The following BABAM2 variants were observed in gnomAD, a reference collection of about 807,000 sequenced individuals.
BABAM2 encodes BRISC and BRCA1-A complex member 2.
BABAM2 carries 31 observed loss-of-function variants against 54.7 expected under a neutral mutation model. The ratio of observed to expected loss-of-function variants is 0.57; its 90% CI spans 0.43 to 0.77. BABAM2 has a LOEUF of 0.77. BABAM2 is among the 30% of genes least tolerant of loss of function. The pLI is 0.00. For synonymous variants in BABAM2, 167 were observed against 162.9 expected (o/e 1.03, Z -0.19); for missense variants, 364 against 455.8 (o/e 0.80, Z 1.83).
chr2:28,155,644 A>T (rs1165596327), intron 7 of BABAM2, among the ~76,000 whole-genome samples: 2 of 152,170 alleles, frequency 1.3e-5, no homozygotes, highest in Non-Finnish European at 1.5e-5. Context: ...ATTTATTGGG[A>T]ATCTAAAAAC....
intron 8 of BABAM2, among the ~76,000 whole-genome samples, chr2:28,239,054 G>T (rs1260918176): frequency 6.6e-6 from 1 of 152,076 alleles, no homozygotes; most frequent in Non-Finnish European, 1.5e-5. Context: ...TTTGTTGTGG[G>T]TTTCTGTTAA....
At chr2:28,026,780 A>AT (rs1675708641) in intron 5 of BABAM2, among the ~76,000 whole-genome samples, 3 of 90,864 alleles carry the variant, frequency 3.3e-5, no homozygotes, top group Non-Finnish European at 6.4e-5. Context: ...TATATAAAAA[A>AT]ATATAAATAT....
intron 10 of BABAM2, among the ~76,000 whole-genome samples, chr2:28,272,430 A>T (rs1052750964): frequency 6.6e-6 from 1 of 152,230 alleles, no homozygotes; most frequent in Admixed American, 6.5e-5. Flanking sequence ...ACATAACAAA[A>T]GGGACAGCCT....
At chr2:28,300,337 CCTT>C (rs1558512012) in intron 11 of BABAM2, among the ~76,000 whole-genome samples, 2 of 152,146 alleles carry the variant, frequency 1.3e-5, no homozygotes, top group African/African-American at 4.8e-5. Flanking sequence ...CTTTAATGTG[CCTT>C]CTTCTTTCCC....
At chr2:28,121,957 G>A (rs1329407361) in intron 6 of BABAM2, among the ~76,000 whole-genome samples, 1 of 152,176 alleles carries the variant, frequency 6.6e-6, no homozygotes, top group Non-Finnish European at 1.5e-5. Flanking sequence ...ACTCACGCCT[G>A]TAATCCCAGC....
chr2:27,922,245 T>C (rs1667392883), intron 2 of BABAM2, among the ~76,000 whole-genome samples: 1 of 152,202 alleles, frequency 6.6e-6, no homozygotes, highest in African/African-American at 2.4e-5. Context: ...CTTAGCACTG[T>C]GCTAGGTGCT....
In BABAM2 at chr2:28,155,663, G is replaced by A. The variant is rs141808673; in HGVS notation, c.680+26283G>A. On this transcript the variant is annotated intron_variant, in intron 7 of 11. Transcript: ENST00000379624. ...ATTGGGAATCTAAAAACAAATATTT[G>A]TGTGCTGAGGGCCAGGTGCTGGAGA... 1.0e-3 allele frequency among the ~76,000 whole-genome samples: 152 copies of A among 152,312 alleles called. 1 individual carries two copies. Among genetic ancestry groups the A allele is most frequent in the Non-Finnish European group, 1.8e-3 (125 of 68,028 alleles).
At chr2:28,271,369 A>G (rs1162518298) in intron 10 of BABAM2, among the ~76,000 whole-genome samples, 1 of 152,230 alleles carries the variant, frequency 6.6e-6, no homozygotes, top group Non-Finnish European at 1.5e-5. Context: ...TGTTCCTTCA[A>G]GGATTCCCCA....
At chr2:27,975,843 G>A (rs1671562564) in intron 3 of BABAM2, among the ~76,000 whole-genome samples, 1 of 151,926 alleles carries the variant, frequency 6.6e-6, no homozygotes, top group Non-Finnish European at 1.5e-5. Flanking sequence ...GCTTTCAAAA[G>A]TCAACATTAA....
intron 7 of BABAM2, among the ~76,000 whole-genome samples, chr2:28,143,913 A>C (rs1401736816): frequency 6.6e-6 from 1 of 152,170 alleles, no homozygotes; most frequent in Admixed American, 6.5e-5. Flanking sequence ...CTCTACCCTC[A>C]ACAGCCTCTT....
rs1054646714 is a variant in BABAM2, at chr2:28,304,397, A to G, written c.1088+5906A>G. Among the ~76,000 whole-genome samples the G allele has an allele frequency of 1.3e-5, 2 of 149,622 alleles. No individual in the cohort carries two copies. The highest frequency in any genetic ancestry group is 4.9e-5 in the African/African-American group (2 of 41,082). Reference sequence around the variant, plus strand: ...GTAAATTATATAAAAATATAAATATAAAATATTTATAAATATATAAAAATA... The same window carrying G: ...GTAAATTATATAAAAATATAAATATGAAATATTTATAAATATATAAAAATA... On this transcript the variant is annotated intron_variant, in intron 11 of 11. Coordinates refer to ENST00000379624, the MANE Select transcript of BABAM2 (RefSeq NM_199191.3). The surrounding 1 kb of genome is among the most constrained non-coding windows in gnomAD (Gnocchi z 4.0).
rs148537971 is a variant in BABAM2 at position 28,300,935 on chromosome 2, T to TA, written c.1088+2446dup. 7.1e-3 allele frequency among the ~76,000 whole-genome samples: 1,083 copies of TA among 152,286 alleles called. 9 individuals are homozygous for TA. Among genetic ancestry groups the TA allele is most frequent in the African/African-American group, 0.025 (1,026 of 41,546 alleles). ...CTCGTGCTAGCAAGAAGAAATAGTTTAAGTTTCCATTCTTCAGCTGAACTG... is the reference window on the plus strand; with the variant it reads ...CTCGTGCTAGCAAGAAGAAATAGTTTAAAGTTTCCATTCTTCAGCTGAACTG... On this transcript the variant is annotated intron_variant, in intron 11 of 11. Transcript: ENST00000379624.
intron 3 of BABAM2, among the ~76,000 whole-genome samples, chr2:27,938,544 A>T (rs1668650435): frequency 6.6e-6 from 1 of 151,872 alleles, no homozygotes; most frequent in South Asian, 2.1e-4. Context: ...GGCACGTGTC[A>T]CAACACCCAG....
chr2:27,893,325 G>T (rs1011428094), intron 1 of BABAM2, among the ~76,000 whole-genome samples: 2 of 152,148 alleles, frequency 1.3e-5, no homozygotes, highest in Non-Finnish European at 2.9e-5. Flanking sequence ...GTGGTTTTAA[G>T]TGTAAGGACT....
chr2:28,124,726 A>G (rs1669358057), intron 6 of BABAM2, among the ~76,000 whole-genome samples: 1 of 152,066 alleles, frequency 6.6e-6, no homozygotes, highest in African/African-American at 2.4e-5. Context: ...CCCCCTCCTC[A>G]CCCAGTTAGA....
intron 11 of BABAM2, among the ~76,000 whole-genome samples, chr2:28,335,335 A>G (rs1031292712): frequency 4.0e-5 from 6 of 151,722 alleles, no homozygotes; most frequent in African/African-American, 1.5e-4. Context: ...ACACCCGGCT[A>G]ATTTTTATAT....
chr2:28,117,147 C>G (rs975015319), intron 6 of BABAM2, among the ~76,000 whole-genome samples: 2 of 152,162 alleles, frequency 1.3e-5, no homozygotes, highest in African/African-American at 4.8e-5. Context: ...CTAGCTATAG[C>G]CAGAGCCTGG....
intron 3 of BABAM2, among the ~76,000 whole-genome samples, chr2:27,963,084 C>CT (rs1337417662): frequency 6.6e-6 from 1 of 152,040 alleles, no homozygotes; most frequent in Non-Finnish European, 1.5e-5. Flanking sequence ...AGTGGAATTA[C>CT]TAGAATTACC....
chr2:28,119,038 T>C (rs928656738), intron 6 of BABAM2, among the ~76,000 whole-genome samples: 2 of 152,198 alleles, frequency 1.3e-5, no homozygotes, highest in African/African-American at 4.8e-5. Flanking sequence ...GTTGTAGATG[T>C]GTGGTGTTAT....
Sources: gnomAD v4.1 joint callset for allele counts (sites outside exome capture counted in the v4.1 genomes callset) on GRCh38, gnomAD v4.1.1 for gene constraint, Gnocchi (gnomAD v3.1) non-coding constraint, MANE v1.5 for transcripts, NCBI Gene and HGNC (gene_info 2026-07-23, HGNC 2026-07-21) for gene names.